KIF13A: variants seen among roughly 807,000 people sequenced by gnomAD.
KIF13A encodes kinesin family member 13A.
Under a neutral mutation model 212.2 loss-of-function variants are expected in KIF13A, and 79 were observed. That is an observed-to-expected ratio of 0.37 (90% CI 0.31 to 0.45). The LOEUF (loss-of-function observed/expected upper bound fraction) is 0.45, where lower values mean the gene tolerates loss of function less well. Ranked by LOEUF, KIF13A falls within the 20% of genes least tolerant of loss-of-function variation. KIF13A has a pLI of 1.00. For missense variants in KIF13A, 1,901 were observed against 2,209.0 expected, an observed-to-expected ratio of 0.86 and a Z score of 2.79; for synonymous variants, 789 against 808.6, an observed-to-expected ratio of 0.98 and a Z score of 0.41.
chr6:17,987,262 GC>G lies in KIF13A; in HGVS notation c.56-119del. On this transcript the variant is annotated intron_variant, in intron 1 of 38. Coordinates refer to ENST00000259711, the MANE Select transcript of KIF13A (RefSeq NM_022113.6). This position sits in a 1 kb window ranked among gnomAD's most constrained non-coding sequence, Gnocchi z 7.7. Reference sequence around the variant, plus strand: ...GGAGGCGGCCGAGCCTGGAGACGGCGCCCCGGGCACCACGGCCAGCGCGGAC... The same window carrying G: ...GGAGGCGGCCGAGCCTGGAGACGGCGCCCGGGCACCACGGCCAGCGCGGAC... 1 of 881,428 alleles carries G rather than the reference GC, an allele frequency of 1.1e-6. No individual in the cohort carries two copies. The highest frequency in any genetic ancestry group is 1.5e-6 in the Non-Finnish European group (1 of 671,352). The allele number at this position is 881,428 out of a possible 1,614,324, so 54.6% of individuals were successfully genotyped here.
At chr6:17,817,295 G>C in intron 16 of KIF13A, 62 bp from the exon 17 acceptor site, 1 of 1,447,068 alleles carries the variant, frequency 6.9e-7, no homozygotes. Context: ...ATTCATGCCA[G>C]GCACTGCAGC....
intron 2 of KIF13A, among the ~76,000 whole-genome samples, chr6:17,928,892 C>CATAATGGAAATGTATATTTCCATTAT (rs1227114775): frequency 6.6e-5 from 10 of 151,776 alleles, no homozygotes; most frequent in African/African-American, 1.2e-4. Flanking sequence ...AAGACTGGTA[C>CATAATGGAAATGTATATTTCCATTAT]ATAATGGAAA....
intron 2 of KIF13A, among the ~76,000 whole-genome samples, chr6:17,945,511 C>A (rs1777312500): frequency 6.6e-6 from 1 of 151,616 alleles, no homozygotes; most frequent in Middle Eastern, 3.4e-3. Flanking sequence ...ATTAAAATAC[C>A]ACTTGTGATA....
At chr6:17,877,696 G>A (rs1162466535) in intron 3 of KIF13A, among the ~76,000 whole-genome samples, 1 of 144,268 alleles carries the variant, frequency 6.9e-6, no homozygotes, top group Non-Finnish European at 1.5e-5. Context: ...TATCTTTACC[G>A]CTCTCCTTCT....
Position 17,763,812 on chromosome 6 carries a change from C to T in KIF13A, c.*298G>A. The T allele has an allele frequency of 8.4e-7, 1 of 1,191,514 alleles. No individual in the cohort carries two copies. Among genetic ancestry groups the T allele is most frequent in the African/African-American group, 1.6e-5 (1 of 64,268 alleles). The allele number at this position is 1,191,514 out of a possible 1,614,324, so 73.8% of individuals were successfully genotyped here. A position where few individuals can be genotyped will look rare whatever the true frequency, so the allele number is the denominator to read the frequency against. On this transcript the variant is annotated 3_prime_UTR_variant, in exon 39 of 39. Transcript: ENST00000259711. ...AAATATGGTAGATGCTACCAGAACA[C>T]TTTGGGAAAACTGGTAACTAAACAT...
chr6:17,924,955 T>C (rs1409307206), intron 2 of KIF13A, among the ~76,000 whole-genome samples: 1 of 152,194 alleles, frequency 6.6e-6, no homozygotes, highest in Non-Finnish European at 1.5e-5. Flanking sequence ...GGGCAATATC[T>C]AAAAAGACAG....
Position 17,808,748 on chromosome 6 carries a change from C to T in KIF13A, c.2163+20G>A. Reference sequence around the variant, plus strand: ...TTTACTATTGTGCATCTTGCCCTCTCACTTGAAGGACATTCTTACCTTCCT... The same window carrying T: ...TTTACTATTGTGCATCTTGCCCTCTTACTTGAAGGACATTCTTACCTTCCT... On this transcript the variant is annotated intron_variant, in intron 18 of 38. Coordinates refer to ENST00000259711, the MANE Select transcript of KIF13A (RefSeq NM_022113.6). 6.2e-7 allele frequency: 1 copy of T among 1,604,076 alleles called. No individual in the cohort carries two copies.
chr6:17,975,560 C>G (rs1017416496), intron 2 of KIF13A, among the ~76,000 whole-genome samples: 2 of 152,160 alleles, frequency 1.3e-5, no homozygotes, highest in Non-Finnish European at 2.9e-5. Flanking sequence ...AAAAAAGCTT[C>G]CAGTACAGAA....
rs753810983 is a variant in KIF13A at position 17,984,678 on chromosome 6, C to G, written c.146+2376G>C. 4 of 291,488 alleles carry G rather than the reference C, an allele frequency of 1.4e-5. No individual in the cohort carries two copies. Among genetic ancestry groups the G allele is most frequent in the Non-Finnish European group, 2.0e-5 (4 of 195,622 alleles). 18.1% of individuals were successfully genotyped at this position (291,488 alleles called of 1,614,324 possible). ...CACCCACTAACCTTCAATTTCTATCCATGGCTAATTCATTGGTAATTTCTT... is the reference window on the plus strand; with the variant it reads ...CACCCACTAACCTTCAATTTCTATCGATGGCTAATTCATTGGTAATTTCTT... On this transcript the variant is annotated intron_variant, in intron 2 of 38. Coordinates refer to ENST00000259711, the MANE Select transcript of KIF13A (RefSeq NM_022113.6). This position sits in a 1 kb window ranked among gnomAD's most constrained non-coding sequence, Gnocchi z 5.0.
Position 17,794,909 on chromosome 6 carries a change from C to T in KIF13A, c.2943-205G>A. 1.8e-6 allele frequency: 1 copy of T among 541,308 alleles called. No individual in the cohort carries two copies. Among genetic ancestry groups the T allele is most frequent in the South Asian group, 2.9e-5 (1 of 34,586 alleles). The allele number at this position is 541,308 out of a possible 1,614,324, so 33.5% of individuals were successfully genotyped here. On this transcript the variant is annotated intron_variant, in intron 23 of 38. Coordinates refer to ENST00000259711, the MANE Select transcript of KIF13A (RefSeq NM_022113.6). The surrounding 1 kb of genome is among the most constrained non-coding windows in gnomAD (Gnocchi z 4.1). ...ATTTTACTGAGGTAGACTGAAATGT[C>T]CACATCTTGAGTATAGAGCTCGATG...
At chr6:17,873,313 A>G in intron 4 of KIF13A, 64 bp downstream of exon 4, 2 of 1,116,776 alleles carry the variant, frequency 1.8e-6, no homozygotes, top group Non-Finnish European at 2.6e-6. Flanking sequence ...GAATTAAAGA[A>G]AATAAACTCA....
At chr6:17,858,888 T>C (rs540289456) in intron 4 of KIF13A, among the ~76,000 whole-genome samples, 1 of 152,318 alleles carries the variant, frequency 6.6e-6, no homozygotes, top group Non-Finnish European at 1.5e-5. Context: ...TCAATTCATA[T>C]TTAGTAACTT....
At chr6:17,796,563 T>A in intron 23 of KIF13A, 106 bp downstream of exon 23, 3 of 698,794 alleles carry the variant, frequency 4.3e-6, no homozygotes, top group Non-Finnish European at 6.2e-6. Context: ...TTTTTTTAAA[T>A]GATTTTATTT....
Position 17,986,947 on chromosome 6 carries a change from A to G in KIF13A, c.146+107T>C, listed in dbSNP as rs1294901098. The G allele has an allele frequency of 4.0e-6, 3 of 756,020 alleles. No homozygotes were observed. In the East Asian group the frequency reaches 8.4e-5, roughly 21 times the overall value. 46.8% of individuals were successfully genotyped at this position (756,020 alleles called of 1,614,324 possible). A position where few individuals can be genotyped will look rare whatever the true frequency, so the allele number is the denominator to read the frequency against. On this transcript the variant is annotated intron_variant, in intron 2 of 38. Coordinates refer to ENST00000259711, the MANE Select transcript of KIF13A (RefSeq NM_022113.6). The stretch of plus-strand genomic sequence containing the variant: ...AAACAGGAGCCGGCGACAAACTTGA[A>G]GCCGTCCTCCTAACAATAGGAAAGA...
At chr6:17,873,467 A>C (rs1254353876) in intron 3 of KIF13A, 30 bp from the exon 4 acceptor site, 1 of 1,434,302 alleles carries the variant, frequency 7.0e-7, no homozygotes. Flanking sequence ...ATTAAACTTA[A>C]AGATTAATTA....
intron 2 of KIF13A, among the ~76,000 whole-genome samples, chr6:17,954,123 C>T (rs1418996786): frequency 6.6e-6 from 1 of 151,864 alleles, no homozygotes; most frequent in Non-Finnish European, 1.5e-5. Context: ...CACGGTGAAA[C>T]CCTGTCCCTG....
chr6:17,760,800 G>C (rs114131556), downstream of KIF13A: 4,538 of 1,583,448 alleles, frequency 2.9e-3, 123 homozygotes, highest in African/African-American at 0.052. Context: ...GCTTGCCCAA[G>C]GTGACCAGGC....
rs958455458 is a variant in KIF13A, at chr6:17,934,873, A to G, written c.147-36693T>C. Among the ~76,000 whole-genome samples the G allele has an allele frequency of 6.6e-6, 1 of 152,044 alleles. No homozygotes were observed. Among genetic ancestry groups the G allele is most frequent in the Non-Finnish European group, 1.5e-5 (1 of 68,018 alleles). The stretch of plus-strand genomic sequence containing the variant: ...ACCATCTAATGTAAAATGTGACTCA[A>G]TTTTCACTAGTAATAACCAAACATA... On this transcript the variant is annotated intron_variant, in intron 2 of 38. Coordinates refer to ENST00000259711, the MANE Select transcript of KIF13A (RefSeq NM_022113.6). The surrounding 1 kb of genome is among the most constrained non-coding windows in gnomAD (Gnocchi z 5.4).
chr6:17,854,010 C>CTCTTT (rs1767912735), intron 6 of KIF13A, among the ~76,000 whole-genome samples: 2 of 152,114 alleles, frequency 1.3e-5, no homozygotes, highest in Non-Finnish European at 2.9e-5. Flanking sequence ...TTATGCCTTA[C>CTCTTT]AGGTGTTATA....
Sources: allele counts gnomAD v4.1 joint callset (sites outside exome capture counted in the v4.1 genomes callset), GRCh38; gene constraint gnomAD v4.1.1; non-coding constraint Gnocchi (gnomAD v3.1); transcripts MANE v1.5; gene names NCBI Gene and HGNC (gene_info 2026-07-23, HGNC 2026-07-21).